CADPS2: variants seen among roughly 807,000 people sequenced by gnomAD.
CADPS2 encodes the protein calcium-dependent secretion activator 2.
Under a neutral mutation model 172.5 loss-of-function variants are expected in CADPS2, and 93 were observed. The observed-to-expected ratio is 0.54, with a 90% CI of 0.46 to 0.64. CADPS2 has a LOEUF of 0.64. CADPS2 is among the 30% of genes least tolerant of loss of function. The pLI is 0.00. For synonymous variants in CADPS2, 546 were observed against 555.2 expected (o/e 0.98, Z 0.23); for missense variants, 1,420 against 1,565.9 (o/e 0.91, Z 1.57).
intron 2 of CADPS2, among the ~76,000 whole-genome samples, chr7:122,725,337 T>A (rs150170316): frequency 2.0e-5 from 3 of 151,788 alleles, no homozygotes; most frequent in East Asian, 1.9e-4. Context: ...AACATCTCTT[T>A]TATATATATA....
At chr7:122,754,906 T>G (rs762029987) in intron 1 of CADPS2, among the ~76,000 whole-genome samples, 1 of 152,238 alleles carries the variant, frequency 6.6e-6, no homozygotes, top group East Asian at 1.9e-4. Context: ...TTCCAAATAG[T>G]CTGTTTTAAA....
At chr7:122,589,954 T>C (rs903282944) in intron 6 of CADPS2, among the ~76,000 whole-genome samples, 1 of 152,016 alleles carries the variant, frequency 6.6e-6, no homozygotes, top group Non-Finnish European at 1.5e-5. Context: ...TATAGAGCAC[T>C]GAATTTTGAA....
At chr7:122,695,510 C>T (rs566635194) in intron 2 of CADPS2, among the ~76,000 whole-genome samples, 1 of 152,162 alleles carries the variant, frequency 6.6e-6, no homozygotes, top group Non-Finnish European at 1.5e-5. Context: ...CTGTTTACAA[C>T]ATTCTAAACA....
intron 14 of CADPS2, among the ~76,000 whole-genome samples, chr7:122,453,655 C>A (rs1263433690): frequency 2.6e-5 from 4 of 152,146 alleles, no homozygotes; most frequent in Non-Finnish European, 5.9e-5. Context: ...GGCTTAGCTA[C>A]CTGGCAGATG....
chr7:122,628,762 C>T (rs769445840), intron 4 of CADPS2, among the ~76,000 whole-genome samples: 1 of 146,588 alleles, frequency 6.8e-6, no homozygotes, highest in Non-Finnish European at 1.5e-5. Flanking sequence ...GTATCAAGCA[C>T]ACTTCATCTG....
At chr7:122,846,291 G>T (rs963078318) in intron 1 of CADPS2, among the ~76,000 whole-genome samples, 1 of 152,170 alleles carries the variant, frequency 6.6e-6, no homozygotes, top group African/African-American at 2.4e-5. Flanking sequence ...TAGCTGTAAA[G>T]ATTGTACACT....
intron 2 of CADPS2, among the ~76,000 whole-genome samples, chr7:122,728,440 T>C (rs778345116): frequency 1.8e-4 from 27 of 151,626 alleles, no homozygotes; most frequent in Admixed American, 1.4e-3. Context: ...TGGTAGAAAA[T>C]TGGAGTAGAT....
At chr7:122,742,707 C>T (rs2092549966) in intron 1 of CADPS2, among the ~76,000 whole-genome samples, 1 of 152,168 alleles carries the variant, frequency 6.6e-6, no homozygotes, top group African/African-American at 2.4e-5. Context: ...AACATTCTTA[C>T]ATGTGCCTCA....
chr7:122,836,351 C>T (rs1276297464), intron 1 of CADPS2, among the ~76,000 whole-genome samples: 1 of 152,076 alleles, frequency 6.6e-6, no homozygotes, highest in Non-Finnish European at 1.5e-5. Context: ...ACCACCGAGG[C>T]TGGGAAGAAA....
chr7:122,621,524 A>T lies in CADPS2; in HGVS notation c.1061T>A (p.Ile354Asn). 1 of 1,376,938 alleles carries T rather than the reference A, an allele frequency of 7.3e-7. No homozygotes were observed. The highest frequency in any genetic ancestry group is 1.0e-6 in the Non-Finnish European group (1 of 968,788). 85.3% of individuals were successfully genotyped at this position (1,376,938 alleles called of 1,614,324 possible). Residue 354 changes from isoleucine (I) to asparagine (N), a missense_variant, in exon 5 of 30, where the codon ATT (isoleucine) becomes AAT (asparagine). By Grantham distance (149) the Ile-to-Asn change is moderately radical. Transcript: ENST00000449022. ...TACCACGTCGGACTTTGACAGCTGA[A>T]TCTCATTCTCATCTCCTATGTCCAA... is the stretch of plus-strand genomic sequence containing the variant. ...AFLDIGDENE[I>N]QLSKSDVVLS...
chr7:122,740,073 G>A (rs552119659), intron 1 of CADPS2, among the ~76,000 whole-genome samples: 29 of 152,214 alleles, frequency 1.9e-4, no homozygotes, highest in African/African-American at 6.7e-4. Context: ...CCAGAACACA[G>A]AAAACACTTG....
At chr7:122,528,988 G>A (rs1438904042) in intron 8 of CADPS2, among the ~76,000 whole-genome samples, 1 of 151,834 alleles carries the variant, frequency 6.6e-6, no homozygotes, top group Non-Finnish European at 1.5e-5. Flanking sequence ...TTAAATAAGT[G>A]CCACTTTTAT....
At chr7:122,637,940 T>C (rs973661327) in intron 3 of CADPS2, among the ~76,000 whole-genome samples, 13 of 152,312 alleles carry the variant, frequency 8.5e-5, no homozygotes, top group Admixed American at 3.9e-4. Flanking sequence ...GCATAATGTT[T>C]TTGATGTTTC....
intron 28 of CADPS2, 104 bp from the exon 29 acceptor site, chr7:122,325,685 T>C (rs1241059076): frequency 2.9e-6 from 2 of 680,910 alleles, no homozygotes; most frequent in African/African-American, 1.8e-5. Flanking sequence ...TAAAACACTC[T>C]GAAATGACCA....
At chr7:122,873,093 G>A (rs1203412816) in intron 1 of CADPS2, among the ~76,000 whole-genome samples, 1 of 152,044 alleles carries the variant, frequency 6.6e-6, no homozygotes, top group East Asian at 1.9e-4. Flanking sequence ...AATGATCTTT[G>A]GAGAAAGTAA....
At chr7:122,669,048 T>A (rs1485803194) in intron 2 of CADPS2, among the ~76,000 whole-genome samples, 1 of 152,136 alleles carries the variant, frequency 6.6e-6, no homozygotes, top group Non-Finnish European at 1.5e-5. Flanking sequence ...AAAAATTTGT[T>A]GGCCAGGAGC....
rs2080831986 is a variant in CADPS2 at position 122,663,420 on chromosome 7, G to A, written c.603C>T (p.Ser201=). 7 of 1,613,820 alleles carry A rather than the reference G, an allele frequency of 4.3e-6. No individual in the cohort carries two copies. The highest frequency in any genetic ancestry group is 1.6e-4 in the Middle Eastern group (1 of 6,084). The change falls in exon 3 of 30, where the codon AGC becomes AGT. Residue 201 remains serine, a synonymous_variant. Coordinates refer to ENST00000449022, the MANE Select transcript of CADPS2 (RefSeq NM_017954.11). ...IDGLSKETVL[S]SWIAKYDAIY... is the part of the protein sequence containing the mutation. ...TGGCATCATATTTGGCTATCCATGAGCTCAACACTGTCTCTTTGCTCAAGC... is the reference window on the plus strand; with the variant it reads ...TGGCATCATATTTGGCTATCCATGAACTCAACACTGTCTCTTTGCTCAAGC...
intron 1 of CADPS2, among the ~76,000 whole-genome samples, chr7:122,810,120 G>A (rs1005808006): frequency 8.6e-5 from 13 of 152,026 alleles, no homozygotes; most frequent in Admixed American, 5.2e-4. Flanking sequence ...TCTAGCATCC[G>A]TCTGTCCTTG....
chr7:122,624,288 G>A (rs1587922279), intron 4 of CADPS2, among the ~76,000 whole-genome samples: 1 of 152,322 alleles, frequency 6.6e-6, no homozygotes, highest in Non-Finnish European at 1.5e-5. Flanking sequence ...TACAAGTCAT[G>A]TGTTCTAATT....
Sources: allele counts gnomAD v4.1 joint callset (sites outside exome capture counted in the v4.1 genomes callset), GRCh38; gene constraint gnomAD v4.1.1; transcripts MANE v1.5; gene names NCBI Gene and HGNC (gene_info 2026-07-23, HGNC 2026-07-21).